Variants in RIN3 observed in about 807,000 individuals in gnomAD.
The protein encoded by RIN3 is RAB5 interacting protein 3.
RIN3 carries 54 observed loss-of-function variants against 76.3 expected under a neutral mutation model. That is an observed-to-expected ratio of 0.71 (90% CI 0.57 to 0.89). RIN3 has a LOEUF of 0.89. Ranked by LOEUF, RIN3 falls within the 40% of genes least tolerant of loss-of-function variation. The probability of loss-of-function intolerance (pLI) is 0.00; values close to 1 mark genes in which losing one functional copy is unlikely to be tolerated. For missense variants in RIN3, 1,256 were observed against 1,322.1 expected (o/e 0.95, Z 0.78); for synonymous variants, 576 against 564.0 (o/e 1.02, Z -0.30).
At chr14:92,542,358 C>T (rs1470476643) in intron 1 of RIN3, among the ~76,000 whole-genome samples, 13 of 151,956 alleles carry the variant, frequency 8.6e-5, no homozygotes, top group Admixed American at 8.5e-4. Flanking sequence ...ATCAAAACCG[C>T]AATGAGAAAC....
At chr14:92,687,689 C>T (rs1451858407) in intron 9 of RIN3, 3 of 515,940 alleles carry the variant, frequency 5.8e-6, no homozygotes, top group South Asian at 5.2e-5. Flanking sequence ...TTTGCAGGGA[C>T]TCCGAGACGC....
chr14:92,629,117 AAGAGAG>A (rs58288914), intron 4 of RIN3, among the ~76,000 whole-genome samples: 6,423 of 145,282 alleles, frequency 0.044, 380 homozygotes, highest in African/African-American at 0.13. Context: ...CGGAAAGGAA[AAGAGAG>A]AGAGAGAGAG....
chr14:92,537,005 AAT>A (rs10538825), intron 1 of RIN3, among the ~76,000 whole-genome samples: 55,882 of 150,984 alleles, frequency 0.37, 10,518 homozygotes, highest in African/African-American at 0.44. Flanking sequence ...AGGATTTAAA[AAT>A]ATATATATAT....
At chr14:92,551,843 A>C (rs1897434440) in intron 1 of RIN3, among the ~76,000 whole-genome samples, 1 of 152,222 alleles carries the variant, frequency 6.6e-6, no homozygotes, top group Non-Finnish European at 1.5e-5. Context: ...TTTTTCCCCC[A>C]GCCTGATGGG....
At chr14:92,662,836 A>ATT (rs5810608) in intron 7 of RIN3, among the ~76,000 whole-genome samples, 21,482 of 148,466 alleles carry the variant, frequency 0.14, 1,791 homozygotes, top group East Asian at 0.28. Context: ...AAACAGCATG[A>ATT]TTTTTTTTTT....
chr14:92,538,580 A>G (rs978091024), intron 1 of RIN3, among the ~76,000 whole-genome samples: 1 of 152,126 alleles, frequency 6.6e-6, no homozygotes, highest in African/African-American at 2.4e-5. Flanking sequence ...GGCAGTGAAC[A>G]TCTTTGTCTG....
intron 7 of RIN3, among the ~76,000 whole-genome samples, chr14:92,671,175 G>C (rs1888274492): frequency 6.6e-6 from 1 of 152,180 alleles, no homozygotes; most frequent in Non-Finnish European, 1.5e-5. Context: ...CTCCATCCAT[G>C]CCCTCAGCAC....
rs529623260 is a variant in RIN3 at position 92,568,532 on chromosome 14, A to G, written c.250-8828A>G. Among the ~76,000 whole-genome samples, 1 of 152,328 alleles carries G rather than the reference A, an allele frequency of 6.6e-6. No homozygotes were observed. Among genetic ancestry groups the G allele is most frequent in the East Asian group, 1.9e-4 (1 of 5,184 alleles). ...ACTAGCTCAGCAGCTAAACCTCCCC[A>G]GAGAGGAACAGAACAGACCCTCTGA... is the stretch of plus-strand genomic sequence containing the variant. On this transcript the variant is annotated intron_variant, in intron 2 of 9. Coordinates refer to ENST00000216487, the MANE Select transcript of RIN3 (RefSeq NM_024832.5). The surrounding 1 kb of genome is among the most constrained non-coding windows in gnomAD (Gnocchi z 4.2).
intron 7 of RIN3, among the ~76,000 whole-genome samples, chr14:92,667,073 C>T (rs1380328646): frequency 2.0e-5 from 3 of 151,920 alleles, no homozygotes; most frequent in African/African-American, 7.3e-5. Context: ...CTGGTTCAGG[C>T]AGGGGCAGCC....
intron 6 of RIN3, among the ~76,000 whole-genome samples, chr14:92,657,834 G>T (rs1262144272): frequency 2.0e-5 from 3 of 152,166 alleles, no homozygotes; most frequent in Non-Finnish European, 2.9e-5. Flanking sequence ...GATGGCCATG[G>T]GCCAGCTCCA....
At chr14:92,519,296 G>A (rs971195735) in intron 1 of RIN3, among the ~76,000 whole-genome samples, 2 of 152,208 alleles carry the variant, frequency 1.3e-5, no homozygotes, top group African/African-American at 4.8e-5. Context: ...TGTTATTGCT[G>A]TGGTTTTATT....
At chr14:92,578,637 G>A (rs1055285957) in intron 3 of RIN3, among the ~76,000 whole-genome samples, 4 of 152,194 alleles carry the variant, frequency 2.6e-5, no homozygotes, top group Non-Finnish European at 5.9e-5. Context: ...TGGCGGGTAG[G>A]AGGGGTATGG....
intron 1 of RIN3, among the ~76,000 whole-genome samples, chr14:92,529,115 T>C (rs55918255): frequency 0.072 from 10,908 of 152,238 alleles, 1,315 homozygotes; most frequent in African/African-American, 0.25. Context: ...ATAGGGTTCA[T>C]ATCCAGGTTG....
intron 2 of RIN3, among the ~76,000 whole-genome samples, chr14:92,565,562 A>G (rs1897894237): frequency 6.6e-6 from 1 of 152,174 alleles, no homozygotes; most frequent in South Asian, 2.1e-4. Flanking sequence ...GTTTTCTGGG[A>G]AAGGGGTAGG....
rs551935515 is a variant in RIN3 at position 92,588,072 on chromosome 14, A to G, written c.367+10595A>G. 2.0e-5 allele frequency among the ~76,000 whole-genome samples: 3 copies of G among 152,188 alleles called. No homozygotes were observed. The East Asian group carries it at 5.8e-4, about 29-fold the overall frequency. On this transcript the variant is annotated intron_variant, in intron 3 of 9. Transcript: ENST00000216487. The stretch of plus-strand genomic sequence containing the variant: ...CTGAATACTGTGTGAAGTCTCTTTT[A>G]TCAGAGTCTTAATCCCATCCACGAG...
chr14:92,597,273 T>C (rs1195878079), intron 3 of RIN3, among the ~76,000 whole-genome samples: 1 of 152,238 alleles, frequency 6.6e-6, no homozygotes, highest in Admixed American at 6.5e-5. Context: ...AGGACACGTG[T>C]AGCATAGATT....
intron 1 of RIN3, among the ~76,000 whole-genome samples, chr14:92,532,350 C>T (rs1249122164): frequency 6.6e-6 from 1 of 152,156 alleles, no homozygotes; most frequent in African/African-American, 2.4e-5. Context: ...GTTTTCTGCA[C>T]CACCCAGAGC....
At chr14:92,661,803 C>A (rs1023123716) in intron 7 of RIN3, among the ~76,000 whole-genome samples, 1 of 151,372 alleles carries the variant, frequency 6.6e-6, no homozygotes, top group African/African-American at 2.4e-5. Context: ...CACGCCAAGG[C>A]GAACTCCATA....
chr14:92,570,325 C>G (rs1372795092), intron 2 of RIN3, among the ~76,000 whole-genome samples: 1 of 698 alleles, frequency 1.4e-3, no homozygotes, highest in African/African-American at 2.7e-3. Flanking sequence ...GGCAGATACA[C>G]ACACACACAC....
Sources: gnomAD v4.1 joint callset for allele counts (sites outside exome capture counted in the v4.1 genomes callset) on GRCh38, gnomAD v4.1.1 for gene constraint, Gnocchi (gnomAD v3.1) non-coding constraint, MANE v1.5 for transcripts, NCBI Gene and HGNC (gene_info 2026-07-23, HGNC 2026-07-21) for gene names.